MIPOL1: variants seen among roughly 807,000 people sequenced by gnomAD.
MIPOL1 encodes the protein mirror-image polydactyly gene 1 protein.
Under a neutral mutation model 60.9 loss-of-function variants are expected in MIPOL1, and 57 were observed. The observed-to-expected ratio is 0.94, with a 90% CI of 0.76 to 1.17. The LOEUF (loss-of-function observed/expected upper bound fraction) is 1.17. MIPOL1 is among the 50% of genes most tolerant of loss of function. The pLI is 0.00. For missense variants in MIPOL1, 551 were observed against 511.6 expected (o/e 1.08, Z -0.74); for synonymous variants, 179 against 168.8 (o/e 1.06, Z -0.47).
At chr14:37,213,726 T>C (rs889691885) in intron 1 of MIPOL1, among the ~76,000 whole-genome samples, 2 of 152,108 alleles carry the variant, frequency 1.3e-5, no homozygotes, top group South Asian at 2.1e-4. Flanking sequence ...AAGAAAGTTA[T>C]AGAACACCAA....
At position 37,520,506 on chromosome 14, in the gene MIPOL1, C is replaced by T. The variant is rs114333345; in HGVS notation, c.1262+20368C>T. On this transcript the variant is annotated intron_variant, in intron 12 of 12. Transcript: ENST00000684589. ...TGCATTTCATTGGCAGTATAAAAATCAGTGACTCACTTCCTCCATCATTAA... is the reference window on the plus strand; with the variant it reads ...TGCATTTCATTGGCAGTATAAAAATTAGTGACTCACTTCCTCCATCATTAA... 7.0e-3 allele frequency among the ~76,000 whole-genome samples: 1,062 copies of T among 152,264 alleles called. 12 individuals carry two copies. The highest frequency in any genetic ancestry group is 0.025 in the African/African-American group (1,024 of 41,554).
At chr14:37,390,987 G>T (rs1479159745) in intron 10 of MIPOL1, among the ~76,000 whole-genome samples, 1 of 152,022 alleles carries the variant, frequency 6.6e-6, no homozygotes, top group African/African-American at 2.4e-5. Context: ...TACAATTAAG[G>T]TAATAAACTC....
intron 5 of MIPOL1, among the ~76,000 whole-genome samples, chr14:37,269,185 CT>C (rs1455391434): frequency 1.3e-5 from 2 of 151,784 alleles, no homozygotes; most frequent in African/African-American, 4.8e-5. Flanking sequence ...TATATTTGAC[CT>C]CAATAATACA....
intron 12 of MIPOL1, among the ~76,000 whole-genome samples, chr14:37,511,703 C>A (rs2095329059): frequency 1.3e-5 from 2 of 152,146 alleles, no homozygotes. Context: ...CTAAGCTCCA[C>A]ATAGTTTCTT....
At chr14:37,357,043 A>T (rs538911229) in intron 9 of MIPOL1, among the ~76,000 whole-genome samples, 1 of 152,162 alleles carries the variant, frequency 6.6e-6, no homozygotes, top group South Asian at 2.1e-4. Flanking sequence ...AATATTGGCT[A>T]TTGTGAACAG....
At position 37,467,017 on chromosome 14, in the gene MIPOL1, C is replaced by A. The variant is rs1018612899; in HGVS notation, c.1032-32891C>A. On this transcript the variant is annotated intron_variant, in intron 11 of 12. Coordinates refer to ENST00000684589, the MANE Select transcript of MIPOL1 (RefSeq NM_001388067.1). ...TGGTGATCAAAACAAAAGTAAATGA[C>A]ATTCATCCTTATCATTAGCTACATT... Among the ~76,000 whole-genome samples the A allele has an allele frequency of 2.6e-5, 4 of 152,130 alleles. No individual in the cohort carries two copies. The East Asian group carries it at 7.7e-4, about 29-fold the overall frequency.
In MIPOL1 at chr14:37,247,865, G is replaced by A; in HGVS notation, c.-24G>A. 6.2e-7 allele frequency: 1 copy of A among 1,612,668 alleles called. No homozygotes were observed. The highest frequency in any genetic ancestry group is 2.2e-5 in the East Asian group (1 of 44,736). Reference sequence around the variant, plus strand: ...GGAGCAAAAACCAGAGACATTGCCAGAGCAAACAAGAACAGAAATACAAAT... The same window carrying A: ...GGAGCAAAAACCAGAGACATTGCCAAAGCAAACAAGAACAGAAATACAAAT... On this transcript the variant is annotated 5_prime_UTR_variant, in exon 3 of 13. Transcript: ENST00000684589.
At chr14:37,382,376 C>T (rs941270484) in intron 10 of MIPOL1, among the ~76,000 whole-genome samples, 1 of 151,970 alleles carries the variant, frequency 6.6e-6, no homozygotes, top group Non-Finnish European at 1.5e-5. Flanking sequence ...AATAAACTTA[C>T]TATTGTCAAA....
chr14:37,398,261 G>C (rs1459850975), intron 10 of MIPOL1, among the ~76,000 whole-genome samples: 2 of 152,260 alleles, frequency 1.3e-5, no homozygotes, highest in Non-Finnish European at 2.9e-5. Context: ...GTGGTGGTTG[G>C]TATTTGCGAG....
chr14:37,514,216 A>G (rs1246368100), intron 12 of MIPOL1, among the ~76,000 whole-genome samples: 1 of 152,150 alleles, frequency 6.6e-6, no homozygotes, highest in East Asian at 1.9e-4. Context: ...AGCTGCAGTC[A>G]AAAGCTTTCT....
intron 7 of MIPOL1, among the ~76,000 whole-genome samples, chr14:37,299,810 A>G (rs914971385): frequency 1.3e-5 from 2 of 152,036 alleles, no homozygotes; most frequent in Non-Finnish European, 2.9e-5. Context: ...TTTTTCTCAA[A>G]TATCCTTTTA....
chr14:37,360,232 T>C (rs897140465), intron 9 of MIPOL1, among the ~76,000 whole-genome samples: 3 of 152,204 alleles, frequency 2.0e-5, no homozygotes, highest in Non-Finnish European at 2.9e-5. Flanking sequence ...CAGTATTTTA[T>C]TGAGGATATT....
chr14:37,203,568 C>T (rs529246933), intron 1 of MIPOL1, among the ~76,000 whole-genome samples: 1 of 152,266 alleles, frequency 6.6e-6, no homozygotes, highest in South Asian at 2.1e-4. Context: ...CTCACTTCTA[C>T]TAGAATATGG....
chr14:37,334,084 A>G (rs2089935949), intron 9 of MIPOL1, among the ~76,000 whole-genome samples: 1 of 152,090 alleles, frequency 6.6e-6, no homozygotes. Flanking sequence ...TCAAGGATCA[A>G]TGTAAAGTAG....
At chr14:37,400,670 T>C (rs1270010727) in intron 10 of MIPOL1, 1 of 152,130 alleles carries the variant, frequency 6.6e-6, no homozygotes, top group African/African-American at 2.4e-5. Context: ...GAGGTTATTT[T>C]TACTCCAACT....
chr14:37,331,702 G>C (rs1180178855), intron 9 of MIPOL1, among the ~76,000 whole-genome samples: 1 of 151,902 alleles, frequency 6.6e-6, no homozygotes, highest in Non-Finnish European at 1.5e-5. Flanking sequence ...ATAAGATCAT[G>C]TCATCTGCAA....
chr14:37,337,559 G>C (rs1202168982), intron 9 of MIPOL1, among the ~76,000 whole-genome samples: 1 of 150,178 alleles, frequency 6.7e-6, no homozygotes, highest in African/African-American at 2.5e-5. Context: ...TAGTAGAGAT[G>C]GGGTTTCATT....
At chr14:37,296,335 G>A (rs907031736) in intron 7 of MIPOL1, among the ~76,000 whole-genome samples, 10 of 151,994 alleles carry the variant, frequency 6.6e-5, no homozygotes, top group Non-Finnish European at 1.5e-4. Context: ...AGCACTAAAT[G>A]CCCACAAGAG....
At chr14:37,376,953 T>G (rs2092793236) in intron 10 of MIPOL1, among the ~76,000 whole-genome samples, 2 of 152,172 alleles carry the variant, frequency 1.3e-5, no homozygotes, top group South Asian at 4.1e-4. Context: ...TTGATGTTTC[T>G]TTTTTGTAGT....
Sources: allele counts gnomAD v4.1 joint callset (sites outside exome capture counted in the v4.1 genomes callset), GRCh38; gene constraint gnomAD v4.1.1; transcripts MANE v1.5; gene names NCBI Gene and HGNC (gene_info 2026-07-23, HGNC 2026-07-21).